EBF1: variants seen among roughly 807,000 people sequenced by gnomAD.
The protein encoded by EBF1 is transcription factor COE1.
A neutral mutation model predicts 68.4 loss-of-function variants in EBF1; 10 were observed. The ratio of observed to expected loss-of-function variants is 0.15; its 90% CI spans 0.09 to 0.25. The LOEUF (loss-of-function observed/expected upper bound fraction) is 0.25, where lower values mean the gene tolerates loss of function less well. EBF1 is among the 10% of genes least tolerant of loss of function. The pLI, the probability that EBF1 is intolerant of heterozygous loss-of-function variation, is 1.00. For missense variants in EBF1, 509 were observed against 794.4 expected, an observed-to-expected ratio of 0.64 and a Z score of 4.32; for synonymous variants, 298 against 299.8, an observed-to-expected ratio of 0.99 and a Z score of 0.06.
chr5:158,741,030 C>T (rs1164350731), intron 10 of EBF1, among the ~76,000 whole-genome samples: 1 of 152,186 alleles, frequency 6.6e-6, no homozygotes, highest in Non-Finnish European at 1.5e-5. Flanking sequence ...GTAGGACATA[C>T]ATATTTGACA....
At chr5:158,840,237 G>A in intron 6 of EBF1, 127 bp from the exon 7 acceptor site, 1 of 686,736 alleles carries the variant, frequency 1.5e-6, no homozygotes. Flanking sequence ...TCAGCATGGT[G>A]TTAGAGCCAA....
intron 10 of EBF1, among the ~76,000 whole-genome samples, chr5:158,737,832 G>A (rs1765538822): frequency 6.6e-6 from 1 of 152,286 alleles, no homozygotes; most frequent in East Asian, 1.9e-4. Flanking sequence ...GGCACTCGGA[G>A]GAAGACTGAT....
chr5:158,907,250 G>A (rs1346961462), intron 6 of EBF1, among the ~76,000 whole-genome samples: 1 of 152,182 alleles, frequency 6.6e-6, no homozygotes, highest in Non-Finnish European at 1.5e-5. Flanking sequence ...GAAGTATTGT[G>A]CACAGCAATA....
chr5:158,776,539 G>A (rs1180851071), intron 10 of EBF1, among the ~76,000 whole-genome samples: 1 of 152,092 alleles, frequency 6.6e-6, no homozygotes, highest in Non-Finnish European at 1.5e-5. Flanking sequence ...CTGGTCTTGT[G>A]GTCTTTTACT....
At chr5:158,966,649 C>T (rs1754210614) in intron 6 of EBF1, among the ~76,000 whole-genome samples, 2 of 152,108 alleles carry the variant, frequency 1.3e-5, no homozygotes, top group Non-Finnish European at 1.5e-5. Flanking sequence ...TTTCCTGTAC[C>T]TCCTAGGGCT....
intron 6 of EBF1, among the ~76,000 whole-genome samples, chr5:158,960,819 C>A (rs559453622): frequency 5.3e-5 from 8 of 152,280 alleles, no homozygotes; most frequent in South Asian, 2.1e-4. Context: ...TCAGGATACC[C>A]AATCAGCCCC....
intron 7 of EBF1, among the ~76,000 whole-genome samples, chr5:158,825,070 A>T: frequency 6.6e-6 from 1 of 152,226 alleles, no homozygotes; most frequent in East Asian, 1.9e-4. Context: ...GGGGGATGAC[A>T]TGTAAGTTTG....
Position 159,001,837 on chromosome 5 carries a change from G to C in EBF1, c.554+71559C>G, listed in dbSNP as rs902816740. Among the ~76,000 whole-genome samples the C allele has an allele frequency of 5.9e-5, 9 of 152,110 alleles. 1 individual carries two copies. Among genetic ancestry groups the C allele is most frequent in the Admixed American group, 1.3e-4 (2 of 15,268 alleles). On this transcript the variant is annotated intron_variant, in intron 6 of 15. Coordinates refer to ENST00000313708, the MANE Select transcript of EBF1 (RefSeq NM_024007.5). ...GCTTAGTTAATCTCCTTACCAACCT[G>C]TTCCTCAGGAGAGTGGGAGCTAAAC... is the stretch of plus-strand genomic sequence containing the variant.
intron 6 of EBF1, among the ~76,000 whole-genome samples, chr5:158,848,126 A>G (rs558094582): frequency 1.3e-5 from 2 of 152,298 alleles, no homozygotes; most frequent in Admixed American, 6.5e-5. Flanking sequence ...CAACAGTCCT[A>G]TGAGATTCTA....
intron 6 of EBF1, among the ~76,000 whole-genome samples, chr5:159,070,702 T>G (rs1777647962): frequency 6.6e-6 from 1 of 152,224 alleles, no homozygotes; most frequent in Non-Finnish European, 1.5e-5. Flanking sequence ...GTTGACTGCG[T>G]GTTAAAACTA....
intron 6 of EBF1, among the ~76,000 whole-genome samples, chr5:158,959,311 A>G (rs1377545893): frequency 2.3e-5 from 3 of 132,608 alleles, no homozygotes; most frequent in Non-Finnish European, 5.0e-5. Context: ...TTTTTTTTTG[A>G]GACGGAGTCT....
At chr5:158,909,958 A>T (rs1195166181) in intron 6 of EBF1, among the ~76,000 whole-genome samples, 3 of 114,292 alleles carry the variant, frequency 2.6e-5, no homozygotes, top group African/African-American at 1.1e-4. Context: ...TCTGTCTATA[A>T]AAAAAAAAAA....
chr5:159,089,230 C>T (rs550615275), intron 4 of EBF1, among the ~76,000 whole-genome samples: 8 of 152,112 alleles, frequency 5.3e-5, no homozygotes, highest in East Asian at 1.9e-4. Flanking sequence ...AAGAAAACAT[C>T]GAAATTGTTA....
chr5:158,895,143 A>T (rs1431631247), intron 6 of EBF1, among the ~76,000 whole-genome samples: 3 of 152,240 alleles, frequency 2.0e-5, no homozygotes, highest in African/African-American at 7.2e-5. Context: ...CCCTTGTAGG[A>T]CTATGAACAT....
At chr5:158,816,994 G>A (rs983754907) in intron 8 of EBF1, among the ~76,000 whole-genome samples, 3 of 152,092 alleles carry the variant, frequency 2.0e-5, no homozygotes, top group Non-Finnish European at 2.9e-5. Context: ...CGGATCTGAG[G>A]AGCCCATGTA....
intron 6 of EBF1, among the ~76,000 whole-genome samples, chr5:158,901,821 T>C (rs1803412833): frequency 6.6e-6 from 1 of 152,204 alleles, no homozygotes; most frequent in South Asian, 2.1e-4. Flanking sequence ...CCTGGTGTGG[T>C]GGCTCACGCC....
At chr5:158,729,346 C>T (rs1050609153) in intron 11 of EBF1, among the ~76,000 whole-genome samples, 6 of 152,082 alleles carry the variant, frequency 3.9e-5, no homozygotes, top group African/African-American at 1.4e-4. Flanking sequence ...AAAGCAAGTG[C>T]TAAATATAAA....
chr5:158,848,280 T>C (rs1334557288), intron 6 of EBF1, among the ~76,000 whole-genome samples: 2 of 149,596 alleles, frequency 1.3e-5, no homozygotes, highest in Non-Finnish European at 1.5e-5. Context: ...ATTCTTTACA[T>C]GTTATATATA....
chr5:159,038,997 G>A (rs1770651801), intron 6 of EBF1, among the ~76,000 whole-genome samples: 6 of 152,138 alleles, frequency 3.9e-5, no homozygotes. Flanking sequence ...GAGATGGAAT[G>A]TTTACTTCCT....
Sources: allele counts gnomAD v4.1 joint callset (sites outside exome capture counted in the v4.1 genomes callset), GRCh38; gene constraint gnomAD v4.1.1; transcripts MANE v1.5; gene names NCBI Gene and HGNC (gene_info 2026-07-23, HGNC 2026-07-21).